COLEC11: variants seen among roughly 807,000 people sequenced by gnomAD.
COLEC11 encodes the protein collectin-11.
A neutral mutation model predicts 27.3 loss-of-function variants in COLEC11; 20 were observed. That is an observed-to-expected ratio of 0.73 (90% CI 0.51 to 1.06). The LOEUF is 1.06. Among genes scored for constraint, COLEC11 ranks in the 50% least tolerant of loss-of-function variants. The pLI is 0.00. For missense variants in COLEC11, 310 were observed against 383.0 expected, an observed-to-expected ratio of 0.81 and a Z score of 1.59; for synonymous variants, 163 against 154.7, an observed-to-expected ratio of 1.05 and a Z score of -0.40.
At chr2:3,604,951 A>G in intron 2 of COLEC11, 1 of 430,640 alleles carries the variant, frequency 2.3e-6, no homozygotes, top group South Asian at 1.8e-5. Flanking sequence ...TAGGGGAAAA[A>G]AAAAAGACAG....
At chr2:3,611,314 C>A (rs573459704) in intron 2 of COLEC11, among the ~76,000 whole-genome samples, 6 of 152,368 alleles carry the variant, frequency 3.9e-5, no homozygotes, top group Admixed American at 1.3e-4. Context: ...CGCCTTTCTG[C>A]GGAGTGGCTC....
chr2:3,603,550 T>C (rs1662397256), intron 1 of COLEC11: 8 of 1,146,398 alleles, frequency 7.0e-6, no homozygotes, highest in Non-Finnish European at 9.0e-6. Flanking sequence ...CTCCCGACTT[T>C]AGGTGATCTG....
chr2:3,598,577 T>A (rs959973127), intron 1 of COLEC11, among the ~76,000 whole-genome samples: 1 of 151,914 alleles, frequency 6.6e-6, no homozygotes, highest in Non-Finnish European at 1.5e-5. Flanking sequence ...GTGGGAGGAG[T>A]GAAGTCAGCT....
intron 3 of COLEC11, among the ~76,000 whole-genome samples, chr2:3,616,497 C>T (rs1663748035): frequency 6.6e-6 from 1 of 152,244 alleles, no homozygotes; most frequent in African/African-American, 2.4e-5. Flanking sequence ...GAGACTCCGT[C>T]TGCAATCCGG....
At chr2:3,595,587 C>G (rs971421853) in intron 1 of COLEC11, among the ~76,000 whole-genome samples, 15 of 152,314 alleles carry the variant, frequency 9.8e-5, no homozygotes, top group African/African-American at 3.4e-4. Context: ...ACAGCAGCCA[C>G]GACTGCCCCC....
At chr2:3,601,491 G>A (rs1481678613) in intron 1 of COLEC11, among the ~76,000 whole-genome samples, 2 of 152,036 alleles carry the variant, frequency 1.3e-5, no homozygotes, top group African/African-American at 4.8e-5. Context: ...ATGGGGTTTA[G>A]CCATGTTGCC....
intron 3 of COLEC11, among the ~76,000 whole-genome samples, chr2:3,626,669 C>A (rs904721903): frequency 2.6e-5 from 4 of 152,250 alleles, no homozygotes; most frequent in African/African-American, 9.6e-5. Flanking sequence ...ATAATCGTGG[C>A]TGTTTCCGTC....
chr2:3,608,003 A>G (rs967457195), intron 2 of COLEC11, among the ~76,000 whole-genome samples: 8 of 152,134 alleles, frequency 5.3e-5, no homozygotes, highest in Admixed American at 2.6e-4. Flanking sequence ...CTGGCACACG[A>G]GTTTGTTCAG....
In COLEC11 at chr2:3,623,379, C is replaced by A. The variant is rs546222036; in HGVS notation, c.202+9997C>A. Among the ~76,000 whole-genome samples, 3 of 152,248 alleles carry A rather than the reference C, an allele frequency of 2.0e-5. No individual in the cohort carries two copies. In the South Asian group the frequency reaches 6.2e-4, roughly 32 times the overall value. ...GGCATTAATTCTTTAAATAAGCTTT[C>A]TATTAGCTTCTCTCTATATTCTCCT... On this transcript the variant is annotated intron_variant, in intron 3 of 6. Transcript: ENST00000349077.
At chr2:3,604,040 C>T in intron 1 of COLEC11, 1 of 578,576 alleles carries the variant, frequency 1.7e-6, no homozygotes. Context: ...GATCGAACTC[C>T]TTGGGGTGGG....
At position 3,599,022 on chromosome 2, in the gene COLEC11, A is replaced by G. The variant is rs192162911; in HGVS notation, c.-27+3854A>G. 4.5e-3 allele frequency among the ~76,000 whole-genome samples: 659 copies of G among 146,118 alleles called. 7 individuals carry two copies. Among genetic ancestry groups the G allele is most frequent in the African/African-American group, 0.016 (619 of 38,288 alleles). On this transcript the variant is annotated intron_variant, in intron 1 of 6. Transcript: ENST00000349077. The stretch of plus-strand genomic sequence containing the variant: ...AGGAGGAAGGTGAGCCCTTCCTTTG[A>G]TGCATGGGGAGAGGGTAGTCGGGCA...
At chr2:3,628,306 T>C (rs1198614888) in intron 3 of COLEC11, among the ~76,000 whole-genome samples, 1 of 152,228 alleles carries the variant, frequency 6.6e-6, no homozygotes, top group Non-Finnish European at 1.5e-5. Flanking sequence ...CTTCCGGCCA[T>C]GCTGGGCGGG....
At position 3,643,902 on chromosome 2, in the gene COLEC11, T is replaced by A. The variant is rs1666079219; in HGVS notation, c.600T>A (p.Arg200=). 6.2e-7 allele frequency: 1 copy of A among 1,613,930 alleles called. No individual in the cohort carries two copies. The highest frequency in any genetic ancestry group is 1.1e-5 in the South Asian group (1 of 91,094). ...AAYLAQAGLA[R]VFIGINDLEK... is the part of the protein sequence containing the mutation. ...ACCTGGCGCAAGCCGGCCTGGCCCG[T>A]GTCTTCATCGGCATCAACGACCTGG... The change falls in exon 7 of 7, where the codon CGT becomes CGA. Residue 200 remains arginine, a synonymous_variant. Coordinates refer to ENST00000349077, the MANE Select transcript of COLEC11 (RefSeq NM_024027.5).
intron 3 of COLEC11, chr2:3,625,935 CT>C: frequency 1.5e-6 from 2 of 1,378,142 alleles, no homozygotes; most frequent in Admixed American, 1.7e-5. Context: ...ACCTGGCAGA[CT>C]TTGCAAAGTT....
At chr2:3,614,723 T>C (rs1479962326) in intron 3 of COLEC11, among the ~76,000 whole-genome samples, 3 of 152,162 alleles carry the variant, frequency 2.0e-5, no homozygotes, top group Non-Finnish European at 2.9e-5. Context: ...AAATTTCTTA[T>C]AATGAAAGGA....
intron 3 of COLEC11, among the ~76,000 whole-genome samples, chr2:3,627,267 G>C (rs1031861172): frequency 1.3e-5 from 2 of 149,124 alleles, no homozygotes; most frequent in African/African-American, 4.9e-5. Context: ...TGATGACGCT[G>C]GTCACGATGC....
At chr2:3,626,435 G>A (rs1381822515) in intron 3 of COLEC11, among the ~76,000 whole-genome samples, 1 of 151,096 alleles carries the variant, frequency 6.6e-6, no homozygotes, top group Non-Finnish European at 1.5e-5. Context: ...GGGGTGGGGG[G>A]TGGGGATCTA....
intron 2 of COLEC11, among the ~76,000 whole-genome samples, chr2:3,612,837 G>T (rs958646762): frequency 1.5e-4 from 23 of 152,162 alleles, no homozygotes; most frequent in Admixed American, 8.5e-4. Flanking sequence ...AGGAGCCTGT[G>T]CCCTGGGGGG....
intron 1 of COLEC11, among the ~76,000 whole-genome samples, chr2:3,597,200 C>T (rs376149550): frequency 7.3e-5 from 11 of 151,220 alleles, no homozygotes; most frequent in African/African-American, 2.2e-4. Flanking sequence ...CAAGAAATCC[C>T]GGCCTGGGCT....
Sources: gnomAD v4.1 joint callset for allele counts (sites outside exome capture counted in the v4.1 genomes callset) on GRCh38, gnomAD v4.1.1 for gene constraint, MANE v1.5 for transcripts, NCBI Gene and HGNC (gene_info 2026-07-23, HGNC 2026-07-21) for gene names.